The following PHACTR3 variants were observed in gnomAD, a reference collection of about 807,000 sequenced individuals.
The protein encoded by PHACTR3 is phosphatase and actin regulator 3, also known as protein phosphatase 1, regulatory subunit 123.
In PHACTR3, 16 loss-of-function variants were observed where a neutral mutation model predicts 66.8. The observed-to-expected ratio is 0.24, with a 90% CI of 0.16 to 0.36. The LOEUF (loss-of-function observed/expected upper bound fraction) is 0.36, where lower values mean the gene tolerates loss of function less well. Among genes scored for constraint, PHACTR3 ranks in the 10% least tolerant of loss-of-function variants. The probability of loss-of-function intolerance (pLI) is 1.00; values close to 1 mark genes in which losing one functional copy is unlikely to be tolerated. For synonymous variants in PHACTR3, 323 were observed against 292.1 expected (o/e 1.11, Z -1.08); for missense variants, 647 against 719.9 (o/e 0.90, Z 1.16).
intron 8 of PHACTR3, among the ~76,000 whole-genome samples, chr20:59,826,708 G>A (rs745805756): frequency 2.0e-5 from 3 of 152,028 alleles, no homozygotes; most frequent in Non-Finnish European, 4.4e-5. Context: ...TGCCTGTTAC[G>A]CCTGCTGTCT....
intron 1 of PHACTR3, among the ~76,000 whole-genome samples, chr20:59,737,490 G>A (rs746500683): frequency 1.3e-4 from 19 of 150,070 alleles, no homozygotes; most frequent in East Asian, 1.0e-3. Context: ...GTGCATGTGC[G>A]TGTGTGTGTG....
intron 1 of PHACTR3, among the ~76,000 whole-genome samples, chr20:59,678,373 C>T (rs536614098): frequency 6.6e-5 from 10 of 152,172 alleles, no homozygotes; most frequent in Non-Finnish European, 1.5e-4. Context: ...CCTGCTCACT[C>T]CTGCCTCCCT....
chr20:59,646,729 G>A (rs1241103967), intron 1 of PHACTR3, among the ~76,000 whole-genome samples: 1 of 152,226 alleles, frequency 6.6e-6, no homozygotes, highest in Admixed American at 6.5e-5. Context: ...AATCTGACTA[G>A]GCATAGGAGT....
At chr20:59,691,815 A>G (rs1397036873) in intron 1 of PHACTR3, among the ~76,000 whole-genome samples, 1 of 152,170 alleles carries the variant, frequency 6.6e-6, no homozygotes, top group African/African-American at 2.4e-5. Context: ...CTGTGAGTTT[A>G]TGGCAGTGAG....
At chr20:59,600,945 CTT>C (rs11477966), upstream of PHACTR3, among the ~76,000 whole-genome samples, 6,144 of 137,566 alleles carry the variant, frequency 0.045, 446 homozygotes, top group African/African-American at 0.15. Flanking sequence ...CCTCTACATG[CTT>C]TTTTTTTTTT....
At chr20:59,721,271 T>C (rs928681802) in intron 1 of PHACTR3, 1 of 152,280 alleles carries the variant, frequency 6.6e-6, no homozygotes, top group Non-Finnish European at 1.5e-5. Flanking sequence ...CCCCAGGCTG[T>C]GTAGGATGCA....
intron 3 of PHACTR3, among the ~76,000 whole-genome samples, chr20:59,751,264 G>C (rs1346356784): frequency 6.6e-6 from 1 of 152,180 alleles, no homozygotes; most frequent in South Asian, 2.1e-4. Context: ...CGAATCTGCA[G>C]CCGGGGGCGC....
At chr20:59,671,742 C>T (rs1027452610) in intron 1 of PHACTR3, among the ~76,000 whole-genome samples, 1 of 152,244 alleles carries the variant, frequency 6.6e-6, no homozygotes, top group African/African-American at 2.4e-5. Flanking sequence ...GGTCCATCCA[C>T]TTAATGAAGG....
chr20:59,673,617 TGACCCTGGG>T (rs2036271178), intron 1 of PHACTR3, among the ~76,000 whole-genome samples: 1 of 152,132 alleles, frequency 6.6e-6, no homozygotes, highest in African/African-American at 2.4e-5. Context: ...GCTGGGATGG[TGACCCTGGG>T]GACCCTGCTA....
chr20:59,840,958 T>TGG (rs2059047732), intron 10 of PHACTR3, among the ~76,000 whole-genome samples: 2 of 152,370 alleles, frequency 1.3e-5, no homozygotes, highest in Non-Finnish European at 2.9e-5. Context: ...CATTTCTAAA[T>TGG]TCAAGTGTTC....
At chr20:59,683,928 T>C (rs1321857276) in intron 1 of PHACTR3, among the ~76,000 whole-genome samples, 1 of 152,242 alleles carries the variant, frequency 6.6e-6, no homozygotes, top group Non-Finnish European at 1.5e-5. Context: ...CTTGACCCTC[T>C]GCTAGAGGTT....
At chr20:59,801,143 G>A (rs934650058) in intron 7 of PHACTR3, among the ~76,000 whole-genome samples, 2 of 152,054 alleles carry the variant, frequency 1.3e-5, no homozygotes, top group Admixed American at 6.5e-5. Flanking sequence ...TCTCTTTCAC[G>A]CTAACTCTGG....
chr20:59,784,845 G>A (rs6027107), intron 7 of PHACTR3, among the ~76,000 whole-genome samples: 148,465 of 152,266 alleles, frequency 0.98, 72,411 homozygotes, highest in East Asian at 1. Flanking sequence ...TTCAAAGGCT[G>A]CCTCTGGGCC....
At chr20:59,662,312 G>A (rs2146479845) in intron 1 of PHACTR3, among the ~76,000 whole-genome samples, 1 of 152,244 alleles carries the variant, frequency 6.6e-6, no homozygotes, top group East Asian at 1.9e-4. Context: ...AGCTTGGGGT[G>A]GGGTGGGGGA....
intron 1 of PHACTR3, among the ~76,000 whole-genome samples, chr20:59,622,996 A>AAAAAAAAAAAAAAAAAAAAAAAAAC (rs1568940612): frequency 7.5e-5 from 11 of 146,534 alleles, no homozygotes; most frequent in African/African-American, 2.8e-4. Flanking sequence ...AAAAAAAAAA[A>AAAAAAAAAAAAAAAAAAAAAAAAAC]AAAAACCCAA....
chr20:59,815,427 T>TTG (rs1555849903), intron 8 of PHACTR3, among the ~76,000 whole-genome samples: 1 of 149,298 alleles, frequency 6.7e-6, no homozygotes, highest in Non-Finnish European at 1.5e-5. Flanking sequence ...GGTTTTTTTT[T>TTG]TTTTGTTTTT....
intron 1 of PHACTR3, among the ~76,000 whole-genome samples, chr20:59,584,592 A>T (rs1298416529): frequency 1.3e-5 from 2 of 152,090 alleles, no homozygotes; most frequent in Non-Finnish European, 2.9e-5. Flanking sequence ...TATGGATGCG[A>T]TCTCCCTCAA....
rs372254256 is a variant in PHACTR3, at chr20:59,580,767, A to G, written c.109+3150A>G. Among the ~76,000 whole-genome samples, 12 of 152,322 alleles carry G rather than the reference A, an allele frequency of 7.9e-5. No homozygotes were observed. The East Asian group carries it at 2.3e-3, about 29-fold the overall frequency. Reference sequence around the variant, plus strand: ...CTGGAGGCTATAACTCTGAAGACCCAGATTGGGTCTGGAGTTGCCCAATTC... The same window carrying G: ...CTGGAGGCTATAACTCTGAAGACCCGGATTGGGTCTGGAGTTGCCCAATTC... On this transcript the variant is annotated intron_variant, in intron 1 of 12. Transcript: ENST00000359926.
chr20:59,607,317 A>G (rs1258018084), intron 1 of PHACTR3, among the ~76,000 whole-genome samples: 1 of 152,142 alleles, frequency 6.6e-6, no homozygotes, highest in Non-Finnish European at 1.5e-5. Context: ...AACCTCAGTC[A>G]CTTCTTGGAA....
Sources: allele counts gnomAD v4.1 joint callset (sites outside exome capture counted in the v4.1 genomes callset), GRCh38; gene constraint gnomAD v4.1.1; transcripts MANE v1.5; gene names NCBI Gene and HGNC (gene_info 2026-07-23, HGNC 2026-07-21).